The following DOCK8 variants were observed in gnomAD, a reference collection of about 807,000 sequenced individuals.
DOCK8 encodes the protein dedicator of cytokinesis protein 8.
A neutral mutation model predicts 245.6 loss-of-function variants in DOCK8; 141 were observed. That is an observed-to-expected ratio of 0.57 (90% CI 0.50 to 0.66). DOCK8 has a LOEUF of 0.66. Among genes scored for constraint, DOCK8 ranks in the 30% least tolerant of loss-of-function variants. The pLI, the probability that DOCK8 is intolerant of heterozygous loss-of-function variation, is 0.00. For synonymous variants in DOCK8, 1,168 were observed against 970.2 expected, an observed-to-expected ratio of 1.20 and a Z score of -3.79; for missense variants, 2,965 against 2,603.4, an observed-to-expected ratio of 1.14 and a Z score of -3.02.
chr9:390,874 G>A (rs2054162564), intron 24 of DOCK8, among the ~76,000 whole-genome samples: 2 of 151,940 alleles, frequency 1.3e-5, no homozygotes, highest in Non-Finnish European at 2.9e-5. Context: ...TTTGCTCTTG[G>A]CCCACCCATT....
chr9:414,492 G>C (rs1320517473), intron 28 of DOCK8, among the ~76,000 whole-genome samples: 2 of 152,236 alleles, frequency 1.3e-5, no homozygotes, highest in African/African-American at 2.4e-5. Context: ...AACACAGGCA[G>C]TCTGTTTCTG....
At chr9:307,089 G>C (rs1043673594) in intron 5 of DOCK8, among the ~76,000 whole-genome samples, 1 of 152,144 alleles carries the variant, frequency 6.6e-6, no homozygotes, top group South Asian at 2.1e-4. Context: ...GCAAGAGGAA[G>C]GAGCCAGGCC....
chr9:342,473 T>C (rs1156492879), intron 14 of DOCK8, among the ~76,000 whole-genome samples: 1 of 12,800 alleles, frequency 7.8e-5, no homozygotes, highest in African/African-American at 1.2e-4. Context: ...TTTTTTCGTT[T>C]TTTTGTTTTT....
intron 1 of DOCK8, among the ~76,000 whole-genome samples, chr9:226,881 G>C (rs1388959952): frequency 1.3e-5 from 2 of 152,118 alleles, no homozygotes; most frequent in Non-Finnish European, 2.9e-5. Context: ...TTTTACATAA[G>C]AAGGAAAAAA....
chr9:441,866 G>T lies in DOCK8; in HGVS notation c.5356-9G>T. 1.1e-5 allele frequency: 18 copies of T among 1,614,098 alleles called. No homozygotes were observed. The highest frequency in any genetic ancestry group is 1.5e-5 in the Non-Finnish European group (18 of 1,180,016). ...AACTAAGGAGAGCTTTTTATATTTT[G>T]TTCCTCAGGATCATAAGAGAATGTT... On this transcript the variant is annotated splice_polypyrimidine_tract_variant and intron_variant, in intron 41 of 47. Transcript: ENST00000432829.
chr9:404,609 G>A (rs1475515177), intron 26 of DOCK8, among the ~76,000 whole-genome samples: 1 of 152,088 alleles, frequency 6.6e-6, no homozygotes, highest in Non-Finnish European at 1.5e-5. Flanking sequence ...TTATGTTACG[G>A]TGAAGATGTA....
chr9:376,420 C>T (rs2053517877), intron 19 of DOCK8, 115 bp downstream of exon 19: 1 of 824,936 alleles, frequency 1.2e-6, no homozygotes, highest in Non-Finnish European at 2.1e-6. Context: ...AAAAATAACC[C>T]TTTAGTTCTT....
intron 11 of DOCK8, among the ~76,000 whole-genome samples, chr9:334,667 C>T (rs2051224240): frequency 6.6e-6 from 1 of 152,004 alleles, no homozygotes. Context: ...GCCACCCGCT[C>T]TCAAAAGTAA....
chr9:301,839 T>C (rs1467281158), intron 4 of DOCK8, among the ~76,000 whole-genome samples: 1 of 152,072 alleles, frequency 6.6e-6, no homozygotes, highest in African/African-American at 2.4e-5. Context: ...CTGAAAGAGA[T>C]CAGAGGTGAT....
At chr9:400,247 C>CCAT (rs1564012907) in intron 26 of DOCK8, among the ~76,000 whole-genome samples, 1 of 66,158 alleles carries the variant, frequency 1.5e-5, no homozygotes, top group African/African-American at 6.9e-5. Flanking sequence ...ACCACCACCT[C>CCAT]CACCATCACC....
At chr9:227,216 C>A (rs1021967655) in intron 1 of DOCK8, among the ~76,000 whole-genome samples, 1 of 152,294 alleles carries the variant, frequency 6.6e-6, no homozygotes, top group African/African-American at 2.4e-5. Flanking sequence ...GATTTCCATC[C>A]TGGTCAAATG....
chr9:368,540 A>G lies in DOCK8; in HGVS notation c.1797+405A>G, dbSNP rs1014919253. 8 of 468,038 alleles carry G rather than the reference A, an allele frequency of 1.7e-5. No individual in the cohort carries two copies. In the Admixed American group the frequency reaches 2.1e-4, roughly 12 times the overall value. The allele number at this position is 468,038 out of a possible 1,614,324, so 29.0% of individuals were successfully genotyped here. On this transcript the variant is annotated intron_variant, in intron 15 of 47. Coordinates refer to ENST00000432829, the MANE Select transcript of DOCK8 (RefSeq NM_203447.4). The stretch of plus-strand genomic sequence containing the variant: ...CACACACAGTGTTACACACTTACTC[A>G]AGCCTCGGACCACAGTGCTGATGAA...
At chr9:400,175 T>C (rs868316230) in intron 26 of DOCK8, among the ~76,000 whole-genome samples, 209 of 39,140 alleles carry the variant, frequency 5.3e-3, no homozygotes, top group Middle Eastern at 0.017. Flanking sequence ...ACCTCCACCA[T>C]CACCACCTCC....
intron 18 of DOCK8, among the ~76,000 whole-genome samples, chr9:374,204 C>A (rs1467834849): frequency 1.3e-5 from 2 of 152,200 alleles, no homozygotes; most frequent in East Asian, 3.9e-4. Flanking sequence ...TACCCTTAGC[C>A]TCTCTTAGTA....
Position 400,046 on chromosome 9 carries a change from CCACCATCACCACCTCCTT to C in DOCK8, c.3234+799_3234+816del, listed in dbSNP as rs1564011812. On this transcript the variant is annotated intron_variant, in intron 26 of 47. Transcript: ENST00000432829. ...ACCTCCACCATCACCACCACCACCT[CCACCATCACCACCTCCTT>C]CACCATCACCATCACCACCACCTCC... Among the ~76,000 whole-genome samples the C allele has an allele frequency of 6.6e-4, 83 of 125,730 alleles. 1 individual carries two copies. The highest frequency in any genetic ancestry group is 3.0e-3 in the African/African-American group (79 of 26,350). 82.5% of individuals were successfully genotyped at this position (125,730 alleles called of 152,430 possible).
At position 407,000 on chromosome 9, in the gene DOCK8, G is replaced by T; in HGVS notation, c.3461G>T (p.Arg1154Leu). ...ASMFDLTSEY[R>L]QQHFLTGLLF... ...ATGTTCGATCTGACTTCCGAGTACC[G>T]CCAGCAGCACTTCCTCACCGGGCTC... The change falls in exon 28 of 48, where the codon CGC becomes CTC. Residue 1154 changes from arginine to leucine, a missense_variant. Physicochemically the swap from Arg to Leu is moderately radical, Grantham distance 102 (BLOSUM62 -2). Around this residue, in one of 3 missense-constraint regions of DOCK8, gnomAD observed 2,825 missense variants for 2,453.5 expected, o/e 1.15. Coordinates refer to ENST00000432829, the MANE Select transcript of DOCK8 (RefSeq NM_203447.4). 2 of 1,614,080 alleles carry T rather than the reference G, an allele frequency of 1.2e-6. No individual in the cohort carries two copies. Among genetic ancestry groups the T allele is most frequent in the South Asian group, 1.1e-5 (1 of 91,076 alleles).
intron 39 of DOCK8, among the ~76,000 whole-genome samples, chr9:436,242 G>C (rs1014571124): frequency 6.6e-6 from 1 of 152,174 alleles, no homozygotes; most frequent in African/African-American, 2.4e-5. Flanking sequence ...CTTGGCAAAT[G>C]AATTTTCTTC....
At position 334,492 on chromosome 9, in the gene DOCK8, G is replaced by A. The variant is rs2051214368; in HGVS notation, c.1285+108G>A. On this transcript the variant is annotated intron_variant, in intron 11 of 47. Coordinates refer to ENST00000432829, the MANE Select transcript of DOCK8 (RefSeq NM_203447.4). Reference sequence around the variant, plus strand: ...GGCACAGTGAGGTGTGGGAAGTGGGGAGGCAGAAGGAGATAAATAGAATGA... The same window carrying A: ...GGCACAGTGAGGTGTGGGAAGTGGGAAGGCAGAAGGAGATAAATAGAATGA... 20 of 1,186,302 alleles carry A rather than the reference G, an allele frequency of 1.7e-5. No homozygotes were observed. The South Asian group carries it at 2.3e-4, about 14-fold the overall frequency. The allele number at this position is 1,186,302 out of a possible 1,614,324, so 73.5% of individuals were successfully genotyped here.
At chr9:451,452 A>G (rs889345958) in intron 45 of DOCK8, among the ~76,000 whole-genome samples, 2 of 152,068 alleles carry the variant, frequency 1.3e-5, no homozygotes, top group Non-Finnish European at 2.9e-5. Flanking sequence ...GCAAAATCCC[A>G]TCACTACAAA....
Sources: allele counts gnomAD v4.1 joint callset (sites outside exome capture counted in the v4.1 genomes callset), GRCh38; gene constraint gnomAD v4.1.1; regional missense constraint gnomAD v4.1.1; transcripts MANE v1.5; gene names NCBI Gene and HGNC (gene_info 2026-07-23, HGNC 2026-07-21).